The following PTPRM variants were observed in gnomAD, a reference collection of about 807,000 sequenced individuals.
PTPRM encodes the protein protein tyrosine phosphatase receptor type M.
A neutral mutation model predicts 186.7 loss-of-function variants in PTPRM; 47 were observed. The ratio of observed to expected loss-of-function variants is 0.25; its 90% CI spans 0.20 to 0.32. PTPRM has a LOEUF of 0.32. PTPRM is among the 10% of genes least tolerant of loss of function. The pLI is 1.00. For synonymous variants in PTPRM, 668 were observed against 674.9 expected, an observed-to-expected ratio of 0.99 and a Z score of 0.16; for missense variants, 1,494 against 1,865.0, an observed-to-expected ratio of 0.80 and a Z score of 3.66.
intron 1 of PTPRM, among the ~76,000 whole-genome samples, chr18:7,604,702 T>A (rs1010695531): frequency 2.0e-5 from 3 of 152,224 alleles, no homozygotes; most frequent in Admixed American, 2.0e-4. Flanking sequence ...GCAGTAACTG[T>A]ATACAGAAAG....
At chr18:7,756,846 C>T (rs562069270) in intron 1 of PTPRM, among the ~76,000 whole-genome samples, 1 of 152,214 alleles carries the variant, frequency 6.6e-6, no homozygotes, top group African/African-American at 2.4e-5. Context: ...CGTTTTTGCC[C>T]TCCTTTTTTG....
chr18:8,048,964 C>G (rs1329803008), intron 7 of PTPRM, among the ~76,000 whole-genome samples: 1 of 152,062 alleles, frequency 6.6e-6, no homozygotes, highest in Non-Finnish European at 1.5e-5. Flanking sequence ...TCCAAACTTC[C>G]AAGGCTTTTT....
intron 7 of PTPRM, among the ~76,000 whole-genome samples, chr18:8,035,907 G>A (rs749982325): frequency 2.0e-5 from 3 of 152,140 alleles, no homozygotes; most frequent in South Asian, 2.1e-4. Flanking sequence ...AAGGAAATAA[G>A]CTACTTGAAA....
intron 2 of PTPRM, among the ~76,000 whole-genome samples, chr18:7,784,545 C>T (rs1036939115): frequency 6.6e-6 from 1 of 152,252 alleles, no homozygotes; most frequent in East Asian, 1.9e-4. Flanking sequence ...TTTCTAGTGC[C>T]AATGAACTAT....
intron 9 of PTPRM, among the ~76,000 whole-genome samples, chr18:8,083,994 G>A (rs2090294479): frequency 6.6e-6 from 1 of 152,148 alleles, no homozygotes; most frequent in South Asian, 2.1e-4. Context: ...AAGGTTTCTA[G>A]ACAGGCAATA....
intron 7 of PTPRM, among the ~76,000 whole-genome samples, chr18:8,041,222 T>G (rs1320730549): frequency 6.6e-6 from 1 of 152,178 alleles, no homozygotes; most frequent in Non-Finnish European, 1.5e-5. Context: ...GATACCATGG[T>G]TTATCATTTT....
chr18:8,236,199 C>G lies in PTPRM; in HGVS notation c.2301-7859C>G, dbSNP rs550059375. On this transcript the variant is annotated intron_variant, in intron 14 of 32. Transcript: ENST00000580170. ...TCTCCAACTATAGTAGTGGATTCAT[C>G]TATTTCTCCTTGCAATTCTATCACC... Among the ~76,000 whole-genome samples the G allele has an allele frequency of 3.3e-5, 5 of 152,308 alleles. No individual in the cohort carries two copies. The South Asian group carries it at 1.0e-3, about 32-fold the overall frequency.
intron 14 of PTPRM, among the ~76,000 whole-genome samples, chr18:8,234,005 C>T (rs1280378147): frequency 6.6e-6 from 1 of 152,152 alleles, no homozygotes; most frequent in Non-Finnish European, 1.5e-5. Flanking sequence ...TCACCAATAC[C>T]ACACTGTCTT....
intron 7 of PTPRM, among the ~76,000 whole-genome samples, chr18:7,963,653 C>CG (rs570255511): frequency 6.8e-4 from 103 of 152,202 alleles, no homozygotes; most frequent in African/African-American, 2.2e-3. Flanking sequence ...AGATTGCAGT[C>CG]GGGGGCCTGT....
At chr18:8,286,424 A>G (rs1445446633) in intron 19 of PTPRM, among the ~76,000 whole-genome samples, 1 of 152,172 alleles carries the variant, frequency 6.6e-6, no homozygotes, top group East Asian at 1.9e-4. Context: ...CCACGTGGAA[A>G]CTTCCGCCAT....
intron 1 of PTPRM, among the ~76,000 whole-genome samples, chr18:7,737,413 C>T (rs528451552): frequency 6.6e-6 from 1 of 152,316 alleles, no homozygotes; most frequent in East Asian, 1.9e-4. Context: ...AATTTTTAAA[C>T]GGAAACTTTT....
chr18:8,373,255 T>C (rs1417634148), intron 24 of PTPRM, among the ~76,000 whole-genome samples: 1 of 152,228 alleles, frequency 6.6e-6, no homozygotes, highest in East Asian at 1.9e-4. Flanking sequence ...ATGCCTGCAA[T>C]TCTGATTCTA....
At chr18:8,143,328 C>A (rs2092806377) in intron 13 of PTPRM, among the ~76,000 whole-genome samples, 4 of 151,644 alleles carry the variant, frequency 2.6e-5, no homozygotes, top group Non-Finnish European at 4.4e-5. Context: ...TTTTAAATGG[C>A]AGAAAGAGCA....
chr18:7,988,820 C>T (rs1237733117), intron 7 of PTPRM, among the ~76,000 whole-genome samples: 2 of 152,054 alleles, frequency 1.3e-5, no homozygotes, highest in African/African-American at 2.4e-5. Flanking sequence ...TGTTGATGGG[C>T]ATTTTGGTTG....
At chr18:7,795,274 C>T (rs942008707) in intron 2 of PTPRM, among the ~76,000 whole-genome samples, 1 of 152,172 alleles carries the variant, frequency 6.6e-6, no homozygotes, top group African/African-American at 2.4e-5. Flanking sequence ...TTCTCTCTGA[C>T]CGTAGCCTGG....
At chr18:7,625,786 C>T (rs914506130) in intron 1 of PTPRM, among the ~76,000 whole-genome samples, 2 of 152,196 alleles carry the variant, frequency 1.3e-5, no homozygotes, top group African/African-American at 2.4e-5. Context: ...CCGCCCGCCT[C>T]GGCCTCCCAC....
intron 19 of PTPRM, 112 bp from the exon 20 acceptor site, chr18:8,296,256 G>A (rs1278528884): frequency 3.0e-6 from 2 of 666,326 alleles, no homozygotes; most frequent in Admixed American, 2.5e-5. Flanking sequence ...ATTTCTGTCG[G>A]CATTCTTTCC....
chr18:8,282,123 A>G (rs2094910367), intron 19 of PTPRM, among the ~76,000 whole-genome samples: 1 of 152,232 alleles, frequency 6.6e-6, no homozygotes, highest in Non-Finnish European at 1.5e-5. Context: ...AAGACATGAA[A>G]GACACTTCAC....
At chr18:8,248,101 C>T (rs1225241721) in intron 16 of PTPRM, 49 bp from the exon 17 acceptor site, 4 of 1,507,240 alleles carry the variant, frequency 2.7e-6, no homozygotes, top group Middle Eastern at 1.7e-4. Flanking sequence ...ATTTACTGTT[C>T]TTTCTCTTTT....
Sources: gnomAD v4.1 joint callset for allele counts (sites outside exome capture counted in the v4.1 genomes callset) on GRCh38, gnomAD v4.1.1 for gene constraint, MANE v1.5 for transcripts, NCBI Gene and HGNC (gene_info 2026-07-23, HGNC 2026-07-21) for gene names.